GPHN: variants seen among roughly 807,000 people sequenced by gnomAD.
GPHN encodes gephyrin.
GPHN carries 17 observed loss-of-function variants against 95.5 expected under a neutral mutation model. That is an observed-to-expected ratio of 0.18 (90% CI 0.12 to 0.27). GPHN has a LOEUF of 0.27. GPHN is among the 10% of genes least tolerant of loss of function. GPHN has a pLI of 1.00. For synonymous variants in GPHN, 320 were observed against 322.5 expected (o/e 0.99, Z 0.08); for missense variants, 660 against 978.1 (o/e 0.67, Z 4.34).
chr14:66,903,527 A>G (rs1267678852), intron 5 of GPHN, among the ~76,000 whole-genome samples: 1 of 152,106 alleles, frequency 6.6e-6, no homozygotes, highest in African/African-American at 2.4e-5. Flanking sequence ...TACAGTCTAT[A>G]TGTGTCTTTA....
chr14:67,603,615 A>G, the GPHN span, among the ~76,000 whole-genome samples: 1 of 152,166 alleles, frequency 6.6e-6, no homozygotes, highest in Non-Finnish European at 1.5e-5. Context: ...GGCCTCCTAA[A>G]GTGCTGGGAT....
the GPHN span, among the ~76,000 whole-genome samples, chr14:67,301,083 GTTTTTC>G: frequency 6.6e-6 from 1 of 152,020 alleles, no homozygotes; most frequent in African/African-American, 2.4e-5. Flanking sequence ...TGTTAGGACA[GTTTTTC>G]TTTTCTTATG....
chr14:66,890,562 A>G lies in GPHN; in HGVS notation c.389+10529A>G, dbSNP rs930370568. On this transcript the variant is annotated intron_variant, in intron 5 of 22. Transcript: ENST00000478722. ...TCCAAAAAATTGAAGAGAAGACAACACTTCCTAACTCATTTTATGAATGGC... is the reference window on the plus strand; with the variant it reads ...TCCAAAAAATTGAAGAGAAGACAACGCTTCCTAACTCATTTTATGAATGGC... Among the ~76,000 whole-genome samples the G allele has an allele frequency of 7.9e-5, 12 of 152,200 alleles. 1 individual carries two copies. Among genetic ancestry groups the G allele is most frequent in the Non-Finnish European group, 1.6e-4 (11 of 68,028 alleles).
chr14:67,091,078 C>T (rs1373368218), intron 12 of GPHN, among the ~76,000 whole-genome samples: 3 of 151,670 alleles, frequency 2.0e-5, no homozygotes, highest in Admixed American at 1.3e-4. Flanking sequence ...AAATGGCTAA[C>T]ATTTGAATTG....
intron 3 of GPHN, among the ~76,000 whole-genome samples, chr14:66,815,076 T>C (rs1205411955): frequency 1.3e-5 from 2 of 152,074 alleles, no homozygotes; most frequent in Non-Finnish European, 2.9e-5. Context: ...GCTTAAAGGC[T>C]GGCTTTCTGA....
intron 2 of GPHN, among the ~76,000 whole-genome samples, chr14:66,737,868 T>G (rs943927735): frequency 1.3e-5 from 2 of 152,232 alleles, no homozygotes; most frequent in African/African-American, 2.4e-5. Flanking sequence ...TATGTTGGTC[T>G]GCTATAGTAC....
At chr14:67,674,177 G>A in the GPHN span, among the ~76,000 whole-genome samples, 3 of 152,232 alleles carry the variant, frequency 2.0e-5, no homozygotes, top group Admixed American at 2.0e-4. Context: ...AAGGATCCCA[G>A]GGAACTGAAT....
downstream of GPHN, among the ~76,000 whole-genome samples, chr14:67,185,335 G>A (rs1045905409): frequency 6.6e-6 from 1 of 152,146 alleles, no homozygotes; most frequent in Non-Finnish European, 1.5e-5. Flanking sequence ...AAGAAAAGGG[G>A]CATTTTTCCT....
At chr14:66,913,624 G>A (rs772897047) in intron 5 of GPHN, among the ~76,000 whole-genome samples, 17 of 152,126 alleles carry the variant, frequency 1.1e-4, no homozygotes, top group Non-Finnish European at 7.4e-5. Context: ...ACAGGCATGA[G>A]CCACCACACT....
chr14:67,661,242 T>A, the GPHN span, among the ~76,000 whole-genome samples: 2 of 122,660 alleles, frequency 1.6e-5, no homozygotes, highest in Non-Finnish European at 3.2e-5. Context: ...TATGATGAGA[T>A]GGAGTCAAAG....
chr14:67,650,475 G>T, the GPHN span: 6 of 535,072 alleles, frequency 1.1e-5, no homozygotes, highest in East Asian at 1.3e-4. Flanking sequence ...TAGTTGAACA[G>T]GGATGGTTTA....
At chr14:67,049,704 G>A (rs1476740926) in intron 10 of GPHN, among the ~76,000 whole-genome samples, 1 of 152,102 alleles carries the variant, frequency 6.6e-6, no homozygotes, top group Non-Finnish European at 1.5e-5. Context: ...GTAGAGACGG[G>A]GTTTCACCAT....
chr14:66,670,070 G>T (rs2066215858), intron 1 of GPHN, among the ~76,000 whole-genome samples: 1 of 152,126 alleles, frequency 6.6e-6, no homozygotes, highest in South Asian at 2.1e-4. Context: ...ATTATCTGGT[G>T]TAGCTGTCTC....
At chr14:67,089,854 A>G (rs2077076431) in intron 12 of GPHN, among the ~76,000 whole-genome samples, 1 of 152,168 alleles carries the variant, frequency 6.6e-6, no homozygotes. Context: ...TTTTCTGCCT[A>G]AATTCCAATC....
chr14:67,086,389 C>G (rs976950400), intron 11 of GPHN, among the ~76,000 whole-genome samples: 3 of 152,186 alleles, frequency 2.0e-5, no homozygotes, highest in Admixed American at 6.5e-5. Flanking sequence ...CGGTGGCTCA[C>G]GCCTGTAATC....
chr14:67,325,976 T>G, the GPHN span, among the ~76,000 whole-genome samples: 1 of 127,018 alleles, frequency 7.9e-6, no homozygotes, highest in East Asian at 2.3e-4. Context: ...ACCCGGCTCT[T>G]TTCTTTTTTT....
the GPHN span, chr14:67,594,029 A>T: frequency 2.2e-6 from 2 of 923,218 alleles, no homozygotes; most frequent in Non-Finnish European, 3.4e-6. Context: ...GGGAACATGC[A>T]TGGAGGAAAA....
chr14:66,544,037 T>C (rs1363290594), intron 1 of GPHN, among the ~76,000 whole-genome samples: 1 of 152,336 alleles, frequency 6.6e-6, no homozygotes, highest in East Asian at 1.9e-4. Flanking sequence ...TGACCACCTG[T>C]TAGTTTTTTC....
At chr14:66,801,906 T>A (rs2060368343) in intron 3 of GPHN, among the ~76,000 whole-genome samples, 1 of 152,096 alleles carries the variant, frequency 6.6e-6, no homozygotes, top group African/African-American at 2.4e-5. Flanking sequence ...CTGCACTGGA[T>A]CAGGCCTGAA....
Sources: allele counts gnomAD v4.1 joint callset (sites outside exome capture counted in the v4.1 genomes callset), GRCh38; gene constraint gnomAD v4.1.1; transcripts MANE v1.5; gene names NCBI Gene and HGNC (gene_info 2026-07-23, HGNC 2026-07-21).